Variants in KIRREL3 observed in about 807,000 individuals in gnomAD.
The protein encoded by KIRREL3 is kin of IRRE-like protein 3.
In KIRREL3, 36 loss-of-function variants were observed where a neutral mutation model predicts 89.7. The observed-to-expected ratio is 0.40, with a 90% CI of 0.31 to 0.53. KIRREL3 has a LOEUF of 0.53. KIRREL3 is among the 20% of genes least tolerant of loss of function. The pLI is 0.49. For synonymous variants in KIRREL3, 445 were observed against 441.4 expected (o/e 1.01, Z -0.10); for missense variants, 864 against 1,056.6 (o/e 0.82, Z 2.53).
At chr11:126,850,048 T>C (rs1449838813) in intron 1 of KIRREL3, among the ~76,000 whole-genome samples, 2 of 152,220 alleles carry the variant, frequency 1.3e-5, no homozygotes, top group Non-Finnish European at 2.9e-5. Context: ...TCCATTCTTG[T>C]CAGGTATCAA....
intron 1 of KIRREL3, among the ~76,000 whole-genome samples, chr11:126,958,310 A>T (rs1948981794): frequency 6.6e-6 from 1 of 152,220 alleles, no homozygotes; most frequent in Admixed American, 6.5e-5. Context: ...ATCCTAAGTG[A>T]GTTACATAGA....
At position 126,983,717 on chromosome 11, in the gene KIRREL3, G is replaced by A. The variant is rs1391456482; in HGVS notation, c.55+16738C>T. ...AGAAAGAAACAGCCCTGCAGCACCT[G>A]GATGCCAGCCCGTGAGATCCATTCT... On this transcript the variant is annotated intron_variant, in intron 1 of 16. Coordinates refer to ENST00000525144, the MANE Select transcript of KIRREL3 (RefSeq NM_032531.4). The surrounding 1 kb of genome is among the most constrained non-coding windows in gnomAD (Gnocchi z 4.9). Among the ~76,000 whole-genome samples, 1 of 152,120 alleles carries A rather than the reference G, an allele frequency of 6.6e-6. No individual in the cohort carries two copies. Among genetic ancestry groups the A allele is most frequent in the Non-Finnish European group, 1.5e-5 (1 of 68,020 alleles).
intron 1 of KIRREL3, among the ~76,000 whole-genome samples, chr11:126,910,992 T>A (rs989432178): frequency 1.6e-4 from 24 of 152,152 alleles, no homozygotes; most frequent in Non-Finnish European, 3.2e-4. Context: ...TATAACACCC[T>A]CTGCACCTGC....
chr11:126,486,708 T>G lies in KIRREL3; in HGVS notation c.434-13242A>C, dbSNP rs1299545315. Among the ~76,000 whole-genome samples the G allele has an allele frequency of 6.6e-6, 1 of 152,138 alleles. No individual in the cohort carries two copies. Among genetic ancestry groups the G allele is most frequent in the East Asian group, 1.9e-4 (1 of 5,186 alleles). On this transcript the variant is annotated intron_variant, in intron 4 of 16. Transcript: ENST00000525144. This position sits in a 1 kb window ranked among gnomAD's most constrained non-coding sequence, Gnocchi z 6.2. ...ACTGAGGCATAGGCTGGCCAAAACA[T>G]TTGGGGCAAGTCACGCAACTGGCAA...
At position 126,837,836 on chromosome 11, in the gene KIRREL3, G is replaced by A. The variant is rs141114281; in HGVS notation, c.55+162619C>T. Among the ~76,000 whole-genome samples, 5 of 152,230 alleles carry A rather than the reference G, an allele frequency of 3.3e-5. No individual in the cohort carries two copies. The East Asian group carries it at 5.8e-4, about 18-fold the overall frequency. On this transcript the variant is annotated intron_variant, in intron 1 of 16. Coordinates refer to ENST00000525144, the MANE Select transcript of KIRREL3 (RefSeq NM_032531.4). The surrounding 1 kb of genome is among the most constrained non-coding windows in gnomAD (Gnocchi z 4.7). The stretch of plus-strand genomic sequence containing the variant: ...ACTTGCTATCCATTTCTAGCAGCTC[G>A]CAGTCTATGTCCAGGCATACATCCT...
chr11:126,547,076 AGT>A (rs1938865875), intron 2 of KIRREL3, among the ~76,000 whole-genome samples: 1 of 152,258 alleles, frequency 6.6e-6, no homozygotes, highest in African/African-American at 2.4e-5. Context: ...GTTTATAAAG[AGT>A]GTTCACCCAT....
Position 126,843,597 on chromosome 11 carries a change from T to C in KIRREL3, c.55+156858A>G, listed in dbSNP as rs7124140. On this transcript the variant is annotated intron_variant, in intron 1 of 16. Coordinates refer to ENST00000525144, the MANE Select transcript of KIRREL3 (RefSeq NM_032531.4). The surrounding 1 kb of genome is among the most constrained non-coding windows in gnomAD (Gnocchi z 4.6). ...TAGTGAGTGGGACCGTCAGAGGTGT[T>C]TGAACCAGAGCAACTCCATCCTGAA... is the stretch of plus-strand genomic sequence containing the variant. Among the ~76,000 whole-genome samples the C allele has an allele frequency of 3.7e-3, 559 of 152,262 alleles. 1 individual carries two copies. Among genetic ancestry groups the C allele is most frequent in the African/African-American group, 0.013 (527 of 41,560 alleles).
intron 1 of KIRREL3, among the ~76,000 whole-genome samples, chr11:126,824,021 A>C (rs1943321008): frequency 6.6e-6 from 1 of 152,182 alleles, no homozygotes; most frequent in Non-Finnish European, 1.5e-5. Flanking sequence ...ATTAAAGCTG[A>C]AACACCCCAC....
At position 126,655,039 on chromosome 11, in the gene KIRREL3, C is replaced by T. The variant is rs1945074421; in HGVS notation, c.56-92127G>A. On this transcript the variant is annotated intron_variant, in intron 1 of 16. Transcript: ENST00000525144. This position sits in a 1 kb window ranked among gnomAD's most constrained non-coding sequence, Gnocchi z 5.0. ...GAAAGATGTTCCTAGCTGGCACAGGCTGTGCTGAACACAGGTCTCACCCCA... is the reference window on the plus strand; with the variant it reads ...GAAAGATGTTCCTAGCTGGCACAGGTTGTGCTGAACACAGGTCTCACCCCA... Among the ~76,000 whole-genome samples the T allele has an allele frequency of 6.6e-6, 1 of 152,182 alleles. No individual in the cohort carries two copies. The highest frequency in any genetic ancestry group is 2.4e-5 in the African/African-American group (1 of 41,460).
At chr11:126,618,936 T>G (rs1943467966) in intron 1 of KIRREL3, among the ~76,000 whole-genome samples, 1 of 152,218 alleles carries the variant, frequency 6.6e-6, no homozygotes. Context: ...ATTTAATACG[T>G]GTCCACTGTG....
chr11:126,874,824 G>T (rs550982701), intron 1 of KIRREL3, among the ~76,000 whole-genome samples: 4 of 152,258 alleles, frequency 2.6e-5, no homozygotes, highest in South Asian at 4.1e-4. Flanking sequence ...AAACATCAAA[G>T]GTGAAGCAAC....
Position 126,912,650 on chromosome 11 carries a change from G to T in KIRREL3, c.55+87805C>A, listed in dbSNP as rs554697766. Among the ~76,000 whole-genome samples the T allele has an allele frequency of 6.6e-6, 1 of 152,316 alleles. No homozygotes were observed. Among genetic ancestry groups the T allele is most frequent in the Non-Finnish European group, 1.5e-5 (1 of 68,040 alleles). On this transcript the variant is annotated intron_variant, in intron 1 of 16. Coordinates refer to ENST00000525144, the MANE Select transcript of KIRREL3 (RefSeq NM_032531.4). This position sits in a 1 kb window ranked among gnomAD's most constrained non-coding sequence, Gnocchi z 4.7. Reference sequence around the variant, plus strand: ...CACCTTCCTTCAAGAGGCCATGCTGGGTAGCAATGGGGCTCCTGCCCCTGC... The same window carrying T: ...CACCTTCCTTCAAGAGGCCATGCTGTGTAGCAATGGGGCTCCTGCCCCTGC...
intron 1 of KIRREL3, among the ~76,000 whole-genome samples, chr11:126,874,255 A>G (rs1053004327): frequency 6.6e-6 from 1 of 152,234 alleles, no homozygotes; most frequent in Non-Finnish European, 1.5e-5. Context: ...TTTACAGTAG[A>G]GTCAAAAGTC....
Position 126,593,641 on chromosome 11 carries a change from G to T in KIRREL3, c.56-30729C>A, listed in dbSNP as rs78218907. On this transcript the variant is annotated intron_variant, in intron 1 of 16. Transcript: ENST00000525144. ...TATGCATGAGACAATCTGGAATGGGGGTCATCCATGGGGTCTGGGCCTGCA... is the reference window on the plus strand; with the variant it reads ...TATGCATGAGACAATCTGGAATGGGTGTCATCCATGGGGTCTGGGCCTGCA... Among the ~76,000 whole-genome samples the T allele has an allele frequency of 9.8e-3, 1,498 of 152,296 alleles. 36 individuals carry two copies. The highest frequency in any genetic ancestry group is 0.033 in the African/African-American group (1,366 of 41,548).
rs1056128523 is a variant in KIRREL3, at chr11:126,891,167, A to G, written c.55+109288T>C. Among the ~76,000 whole-genome samples, 3 of 152,234 alleles carry G rather than the reference A, an allele frequency of 2.0e-5. No homozygotes were observed. Among genetic ancestry groups the G allele is most frequent in the Admixed American group, 2.0e-4 (3 of 15,290 alleles). On this transcript the variant is annotated intron_variant, in intron 1 of 16. Coordinates refer to ENST00000525144, the MANE Select transcript of KIRREL3 (RefSeq NM_032531.4). The surrounding 1 kb of genome is among the most constrained non-coding windows in gnomAD (Gnocchi z 5.1). ...TGGGTTTGAAGTGTACATAAGCCAC[A>G]GTGGAAACATCTGAGAAGCGTCCCA...
rs1174262588 is a variant in KIRREL3, at chr11:126,424,051, TGTC to T, written c.*526_*528del. The T allele has an allele frequency of 2.5e-5, 4 of 158,938 alleles. No homozygotes were observed. The highest frequency in any genetic ancestry group is 9.6e-5 in the African/African-American group (4 of 41,538). The allele number at this position is 158,938 out of a possible 1,614,324, so 9.8% of individuals were successfully genotyped here. A position where few individuals can be genotyped will look rare whatever the true frequency, so the allele number is the denominator to read the frequency against. On this transcript the variant is annotated 3_prime_UTR_variant, in exon 17 of 17. Transcript: ENST00000525144. ...CCTTTAGCCAAGGCCATTTCTGGCTTGTCAGCCTCCAGGGTATGGGCTATGAGC... is the reference window on the plus strand; with the variant it reads ...CCTTTAGCCAAGGCCATTTCTGGCTTAGCCTCCAGGGTATGGGCTATGAGC...
At chr11:126,968,211 G>C (rs1431974278) in intron 1 of KIRREL3, among the ~76,000 whole-genome samples, 1 of 152,144 alleles carries the variant, frequency 6.6e-6, no homozygotes, top group African/African-American at 2.4e-5. Flanking sequence ...TGACAAACAT[G>C]CTTCTGTATT....
In KIRREL3 at chr11:126,900,811, T is replaced by C. The variant is rs540308077; in HGVS notation, c.55+99644A>G. Among the ~76,000 whole-genome samples, 2 of 152,340 alleles carry C rather than the reference T, an allele frequency of 1.3e-5. No homozygotes were observed. The highest frequency in any genetic ancestry group is 4.8e-5 in the African/African-American group (2 of 41,570). On this transcript the variant is annotated intron_variant, in intron 1 of 16. Coordinates refer to ENST00000525144, the MANE Select transcript of KIRREL3 (RefSeq NM_032531.4). This position sits in a 1 kb window ranked among gnomAD's most constrained non-coding sequence, Gnocchi z 4.4. ...TTGAGCTCTTTCAGAGTATTCTGTTTGAGGGAATGCATTGTACTTATTTAA... is the reference window on the plus strand; with the variant it reads ...TTGAGCTCTTTCAGAGTATTCTGTTCGAGGGAATGCATTGTACTTATTTAA...
rs898095546 is a variant in KIRREL3, at chr11:126,653,953, C to T, written c.56-91041G>A. 2.6e-5 allele frequency among the ~76,000 whole-genome samples: 4 copies of T among 152,190 alleles called. No individual in the cohort carries two copies. The highest frequency in any genetic ancestry group is 2.0e-4 in the Admixed American group (3 of 15,282). On this transcript the variant is annotated intron_variant, in intron 1 of 16. Coordinates refer to ENST00000525144, the MANE Select transcript of KIRREL3 (RefSeq NM_032531.4). This position sits in a 1 kb window ranked among gnomAD's most constrained non-coding sequence, Gnocchi z 5.4. ...GATTCAGGGGAAGGTGATACCACTT[C>T]TGCCTAGAGGGTGACCCCCACGCCC...
Sources: gnomAD v4.1 joint callset for allele counts (sites outside exome capture counted in the v4.1 genomes callset) on GRCh38, gnomAD v4.1.1 for gene constraint, Gnocchi (gnomAD v3.1) non-coding constraint, MANE v1.5 for transcripts, NCBI Gene and HGNC (gene_info 2026-07-23, HGNC 2026-07-21) for gene names.